Variants in SH3TC1 observed in about 807,000 individuals in gnomAD.
The protein encoded by SH3TC1 is SH3 domain and tetratricopeptide repeats 1, also known as SH3 domain and tetratricopeptide repeat-containing protein 1.
SH3TC1 carries 135 observed loss-of-function variants against 117.3 expected under a neutral mutation model. The ratio of observed to expected loss-of-function variants is 1.15; its 90% CI spans 1.00 to 1.33. SH3TC1 has a LOEUF of 1.33. Among genes scored for constraint, SH3TC1 ranks in the 40% most tolerant of loss-of-function variants. The probability of loss-of-function intolerance (pLI) is 0.00; values close to 1 mark genes in which losing one functional copy is unlikely to be tolerated. For synonymous variants in SH3TC1, 898 were observed against 816.9 expected (o/e 1.10, Z -1.69); for missense variants, 2,092 against 1,794.3 (o/e 1.17, Z -3.00).
upstream of SH3TC1, among the ~76,000 whole-genome samples, chr4:8,194,341 A>G (rs57164699): frequency 0.018 from 2,752 of 152,286 alleles, 80 homozygotes; most frequent in African/African-American, 0.062. Flanking sequence ...AGTCACAGAA[A>G]AAGTCTGAAG....
rs980550279 is a variant in SH3TC1, at chr4:8,227,416, C to T, written c.1722C>T (p.Leu574=). ...FLLGRLCSRR[L]KLSQARVYFE... is the part of the protein sequence containing the mutation. ...TGGGGCGGCTGTGCAGCAGGAGGCT[C>T]AAGCTGTCCCAGGCCCGGGTGTACT... is the stretch of plus-strand genomic sequence containing the variant. The change falls in exon 12 of 18, where the codon CTC becomes CTT. Residue 574 remains leucine (L), a synonymous_variant. Coordinates refer to ENST00000245105, the MANE Select transcript of SH3TC1 (RefSeq NM_018986.5). The T allele has an allele frequency of 3.3e-5, 51 of 1,550,666 alleles. No homozygotes were observed. Among genetic ancestry groups the T allele is most frequent in the Non-Finnish European group, 4.4e-5 (51 of 1,151,188 alleles).
In SH3TC1 at chr4:8,192,158, T is replaced by A. The variant is rs1717437620; in HGVS notation, c.-57+9948T>A. ...GCACCTGCCACCACACTCAGCTAATTTTTGTATTTTTTTTTATTAGAGATG... is the reference window on the plus strand; with the variant it reads ...GCACCTGCCACCACACTCAGCTAATATTTGTATTTTTTTTTATTAGAGATG... On this transcript the variant is annotated intron_variant, in intron 1 of 16. Coordinates refer to the SH3TC1 transcript ENST00000508641. This position sits in a 1 kb window ranked among gnomAD's most constrained non-coding sequence, Gnocchi z 4.1. 6.6e-6 allele frequency among the ~76,000 whole-genome samples: 1 copy of A among 151,202 alleles called. No homozygotes were observed. Among genetic ancestry groups the A allele is most frequent in the Non-Finnish European group, 1.5e-5 (1 of 67,942 alleles).
chr4:8,235,476 G>A lies in SH3TC1; in HGVS notation c.3326G>A (p.Gly1109Glu). ...VALYTGDPNL[G>E]LELFEAAGDI... ...CTGTACACAGGCGACCCCAACCTGGGGCTGGAGCTGTTTGAGGCGGCTGGA... is the reference window on the plus strand; with the variant it reads ...CTGTACACAGGCGACCCCAACCTGGAGCTGGAGCTGTTTGAGGCGGCTGGA... Residue 1109 changes from glycine (G) to glutamate (E), a missense_variant, in exon 15 of 18, where the codon GGG (glycine) becomes GAG (glutamate). Physicochemically the swap from Gly to Glu is moderately conservative, Grantham distance 98. Transcript: ENST00000245105. 6.2e-7 allele frequency: 1 copy of A among 1,603,244 alleles called. No homozygotes were observed. The highest frequency in any genetic ancestry group is 8.5e-7 in the Non-Finnish European group (1 of 1,173,882).
Position 8,237,596 on chromosome 4 carries a change from G to A in SH3TC1, c.3679G>A (p.Glu1227Lys). 1.2e-6 allele frequency: 2 copies of A among 1,612,724 alleles called. No individual in the cohort carries two copies. Among genetic ancestry groups the A allele is most frequent in the South Asian group, 2.2e-5 (2 of 90,928 alleles). Residue 1227 changes from glutamate to lysine, a missense_variant, in exon 17 of 18, where the codon GAG becomes AAG. By Grantham distance (56) the Glu-to-Lys change is moderately conservative (BLOSUM62 1). Transcript: ENST00000245105. ...CCTGTCGCTCTGCAACTCGCCGCTGGAGTTTGACGAGGAGACCCTCTACTA... is the reference window on the plus strand; with the variant it reads ...CCTGTCGCTCTGCAACTCGCCGCTGAAGTTTGACGAGGAGACCCTCTACTA... Reference protein sequence around the residue: ...KALSLCNSPLEFDEETLYYVK... With the variant: ...KALSLCNSPLKFDEETLYYVK...
intron 1 of SH3TC1, among the ~76,000 whole-genome samples, chr4:8,184,622 T>C (rs1400297174): frequency 6.6e-6 from 1 of 152,028 alleles, no homozygotes; most frequent in Non-Finnish European, 1.5e-5. Flanking sequence ...CACGTGATCC[T>C]CCCGCCTCAG....
intron 1 of SH3TC1, among the ~76,000 whole-genome samples, chr4:8,185,218 C>T (rs532400753): frequency 1.3e-4 from 19 of 151,994 alleles, no homozygotes; most frequent in African/African-American, 4.3e-4. Flanking sequence ...TGCCTGTAGT[C>T]GCAGCTACTC....
chr4:8,240,752 C>G lies in SH3TC1; in HGVS notation c.3808C>G (p.Leu1270Val), dbSNP rs1317767131. ...YQLALAAAVD[L>V]GNKKAQLKIY... ...GCTGGCGCTGGCAGCCGCCGTGGAC[C>G]TGGGCAACAAGAAGGCACAGCTGAA... Residue 1270 changes from leucine to valine, a missense_variant, in exon 18 of 18, where the codon CTG becomes GTG. By Grantham distance (32) the Leu-to-Val change is conservative. Coordinates refer to ENST00000245105, the MANE Select transcript of SH3TC1 (RefSeq NM_018986.5). The G allele has an allele frequency of 6.2e-7, 1 of 1,609,694 alleles. No homozygotes were observed. Among genetic ancestry groups the G allele is most frequent in the South Asian group, 1.1e-5 (1 of 90,910 alleles).
chr4:8,232,695 C>T, intron 13 of SH3TC1: 1 of 1,290,526 alleles, frequency 7.7e-7, no homozygotes, highest in Non-Finnish European at 1.0e-6. Context: ...GCCCTGGCCA[C>T]CCCACCCACA....
At chr4:8,220,235 G>A (rs1276512324) in intron 9 of SH3TC1, among the ~76,000 whole-genome samples, 1 of 151,840 alleles carries the variant, frequency 6.6e-6, no homozygotes, top group Non-Finnish European at 1.5e-5. Flanking sequence ...GAAGCTTCTG[G>A]GCCCGACCTT....
At chr4:8,232,192 AG>A in intron 13 of SH3TC1, 36 bp downstream of exon 13, 11 of 42,364 alleles carry the variant, frequency 2.6e-4, no homozygotes, top group South Asian at 2.3e-3. Flanking sequence ...GGGCGGGGGG[AG>A]GGGGCAAAGG....
At chr4:8,218,118 GT>G in intron 7 of SH3TC1, 152 bp from the exon 8 acceptor site, 1 of 312,128 alleles carries the variant, frequency 3.2e-6, no homozygotes, top group Non-Finnish European at 5.9e-6. Flanking sequence ...GGGCAGGCAT[GT>G]GTGTGTGTGT....
intron 9 of SH3TC1, among the ~76,000 whole-genome samples, chr4:8,222,423 G>C (rs1720022404): frequency 7.6e-6 from 1 of 131,352 alleles, no homozygotes; most frequent in South Asian, 2.7e-4. Flanking sequence ...ACCCAGGCTG[G>C]AGTGCAGTGG....
upstream of SH3TC1, among the ~76,000 whole-genome samples, chr4:8,196,865 A>C (rs1717570029): frequency 6.6e-6 from 1 of 152,128 alleles, no homozygotes; most frequent in Non-Finnish European, 1.5e-5. This position sits in a 1 kb window ranked among gnomAD's most constrained non-coding sequence, Gnocchi z 4.6. Context: ...CTGAGAGGAC[A>C]GCAGGCTGCA....
rs761086728 is a variant in SH3TC1, at chr4:8,235,476, G to T, written c.3326G>T (p.Gly1109Val). The T allele has an allele frequency of 2.5e-6, 4 of 1,603,244 alleles. No homozygotes were observed. In the South Asian group the frequency reaches 4.5e-5, roughly 18 times the overall value. Residue 1109 changes from glycine to valine, a missense_variant, in exon 15 of 18, where the codon GGG becomes GTG. Gly to Val is a moderately radical substitution (Grantham distance 109). Transcript: ENST00000245105. ...CTGTACACAGGCGACCCCAACCTGGGGCTGGAGCTGTTTGAGGCGGCTGGA... is the reference window on the plus strand; with the variant it reads ...CTGTACACAGGCGACCCCAACCTGGTGCTGGAGCTGTTTGAGGCGGCTGGA... ...VALYTGDPNL[G>V]LELFEAAGDI...
rs1265556882 is a variant in SH3TC1, at chr4:8,227,220, CT to C, written c.1527del (p.Tyr511ThrfsTer16). ...LSSLLLFLNA[P>X]GYKASFRGLY... ...TCACTGCTGCTGTTCCTGAACGCCC[CT>C]GGGTACAAGGCCAGCTTCCGTGGCC... On this transcript the variant is annotated frameshift_variant, in exon 12 of 18. Transcript: ENST00000245105. LOFTEE classifies it high-confidence loss of function. The C allele has an allele frequency of 1.3e-6, 2 of 1,572,832 alleles. No individual in the cohort carries two copies. The highest frequency in any genetic ancestry group is 2.3e-5 in the East Asian group (1 of 43,406).
chr4:8,237,465 G>C lies in SH3TC1; in HGVS notation c.3557-9G>C. 6.5e-7 allele frequency: 1 copy of C among 1,535,204 alleles called. No individual in the cohort carries two copies. The highest frequency in any genetic ancestry group is 8.7e-7 in the Non-Finnish European group (1 of 1,143,620). On this transcript the variant is annotated splice_polypyrimidine_tract_variant and intron_variant, in intron 16 of 17. Transcript: ENST00000245105. ...GTCCTCACACCTGCCCCCTTGGCCT[G>C]CACCCCAGGGGACCGGCTGAACGAG...
chr4:8,232,590 C>A, intron 13 of SH3TC1: 18 of 1,353,012 alleles, frequency 1.3e-5, no homozygotes, highest in Non-Finnish European at 1.7e-5. Context: ...CCAGTTGTGT[C>A]ACCTGCTTCC....
intron 13 of SH3TC1, chr4:8,232,577 G>C: frequency 1.5e-6 from 2 of 1,357,524 alleles, no homozygotes; most frequent in Non-Finnish European, 1.9e-6. Context: ...ACAGAAGACA[G>C]AGCCAGTTGT....
At position 8,199,369 on chromosome 4, in the gene SH3TC1, G is replaced by A. The variant is rs1231094834; in HGVS notation, c.-65G>A. ...CCTGGTTCCTGCGTGCTACGGCCCT[G>A]TGGGCCTGGGAGCTGCCTCTGAGGA... On this transcript the variant is annotated 5_prime_UTR_variant, in exon 1 of 18. The change creates a new upstream start codon in the 5' untranslated region. Transcript: ENST00000245105. 6.6e-6 allele frequency: 1 copy of A among 152,362 alleles called. No individual in the cohort carries two copies. Among genetic ancestry groups the A allele is most frequent in the Non-Finnish European group, 1.5e-5 (1 of 68,114 alleles). The allele number at this position is 152,362 out of a possible 1,614,324, so 9.4% of individuals were successfully genotyped here.
Sources: allele counts gnomAD v4.1 joint callset (sites outside exome capture counted in the v4.1 genomes callset), GRCh38; gene constraint gnomAD v4.1.1; non-coding constraint Gnocchi (gnomAD v3.1); transcripts MANE v1.5; gene names NCBI Gene and HGNC (gene_info 2026-07-23, HGNC 2026-07-21).